CCDC68: variants seen among roughly 807,000 people sequenced by gnomAD.
CCDC68 encodes the protein coiled-coil domain-containing protein 68.
CCDC68 carries 45 observed loss-of-function variants against 47.1 expected under a neutral mutation model. The observed-to-expected ratio is 0.96, with a 90% CI of 0.75 to 1.23. The LOEUF (loss-of-function observed/expected upper bound fraction) is 1.23. CCDC68 is among the 50% of genes most tolerant of loss of function. CCDC68 has a pLI of 0.00. For missense variants in CCDC68, 353 were observed against 373.6 expected, an observed-to-expected ratio of 0.94 and a Z score of 0.45; for synonymous variants, 131 against 129.5, an observed-to-expected ratio of 1.01 and a Z score of -0.08.
At position 54,946,107 on chromosome 18, in the gene CCDC68, T is replaced by C. The variant is rs541247787; in HGVS notation, c.-102-630A>G. Among the ~76,000 whole-genome samples, 4 of 152,306 alleles carry C rather than the reference T, an allele frequency of 2.6e-5. No homozygotes were observed. In the East Asian group the frequency reaches 7.7e-4, roughly 29 times the overall value. On this transcript the variant is annotated intron_variant, in intron 1 of 11. Transcript: ENST00000591504. Reference sequence around the variant, plus strand: ...ATTTCAAATTTAGTATTCATAAAAATGGTTGGAAAAAATCAAAGGAGAACA... The same window carrying C: ...ATTTCAAATTTAGTATTCATAAAAACGGTTGGAAAAAATCAAAGGAGAACA...
intron 7 of CCDC68, among the ~76,000 whole-genome samples, chr18:54,933,827 G>A (rs1414600641): frequency 1.3e-5 from 2 of 152,132 alleles, no homozygotes; most frequent in Non-Finnish European, 2.9e-5. Flanking sequence ...TTTCCTCATA[G>A]GAGCTTCACC....
At chr18:54,935,792 G>A (rs1317292178) in intron 6 of CCDC68, among the ~76,000 whole-genome samples, 1 of 152,182 alleles carries the variant, frequency 6.6e-6, no homozygotes, top group Non-Finnish European at 1.5e-5. Flanking sequence ...CCTTCTTAGA[G>A]CCTGAGCTGA....
intron 9 of CCDC68, among the ~76,000 whole-genome samples, chr18:54,918,420 C>T (rs555321797): frequency 6.6e-6 from 1 of 152,322 alleles, no homozygotes; most frequent in East Asian, 1.9e-4. Context: ...GGTGAGCCTG[C>T]TTTGCCAAGA....
intron 10 of CCDC68, 46 bp downstream of exon 10, chr18:54,917,867 A>T: frequency 2.0e-6 from 2 of 1,001,526 alleles, no homozygotes; most frequent in Non-Finnish European, 3.1e-6. Flanking sequence ...ACACACACAC[A>T]CACTCACACC....
chr18:54,919,299 T>G lies in CCDC68; in HGVS notation c.761A>C (p.His254Pro). Residue 254 changes from histidine to proline, a missense_variant, in exon 9 of 12, where the codon CAT (histidine) becomes CCT (proline). Transcript: ENST00000591504. Reference protein sequence around the residue: ...SHLQFVIHSQHQNLRSVIQEM... With the variant: ...SHLQFVIHSQPQNLRSVIQEM... ...CTGGATGACACTGCGCAGGTTCTGA[T>G]GTTGGGAGTGAATCACAAACTGCAG... 1 of 1,614,010 alleles carries G rather than the reference T, an allele frequency of 6.2e-7. No homozygotes were observed. The highest frequency in any genetic ancestry group is 8.5e-7 in the Non-Finnish European group (1 of 1,179,886).
At chr18:54,951,790 G>T (rs1245530469) in intron 1 of CCDC68, among the ~76,000 whole-genome samples, 2 of 152,210 alleles carry the variant, frequency 1.3e-5, no homozygotes, top group Non-Finnish European at 2.9e-5. Context: ...AACAAAGGCA[G>T]TTTGGCTGCA....
chr18:54,945,546 A>C (rs1008634176), intron 1 of CCDC68, 69 bp from the exon 2 acceptor site: 2 of 152,174 alleles, frequency 1.3e-5, no homozygotes, highest in Admixed American at 1.3e-4. Flanking sequence ...TGCAAAAAAA[A>C]ACACAAAGAA....
In CCDC68 at chr18:54,941,009, T is replaced by C. The variant is rs1193143709; in HGVS notation, c.192A>G (p.Lys64=). 6 of 1,607,432 alleles carry C rather than the reference T, an allele frequency of 3.7e-6. No homozygotes were observed. The highest frequency in any genetic ancestry group is 5.1e-6 in the Non-Finnish European group (6 of 1,174,388). Residue 64 remains lysine, a synonymous_variant, in exon 4 of 12, where the codon AAA becomes AAG. Transcript: ENST00000591504. ...DEIRHDSTNH[K]LDAKHCGNLQ... is the part of the protein sequence containing the mutation. Reference sequence around the variant, plus strand: ...AGGAAATTATTACCTTTGCATCTAGTTTGTGATTTGTACTGTCATGTCTTA... The same window carrying C: ...AGGAAATTATTACCTTTGCATCTAGCTTGTGATTTGTACTGTCATGTCTTA...
chr18:54,949,436 T>A (rs962829965), intron 1 of CCDC68, among the ~76,000 whole-genome samples: 1 of 152,216 alleles, frequency 6.6e-6, no homozygotes, highest in African/African-American at 2.4e-5. Context: ...CTTGGCCACA[T>A]TAAAACAGGT....
At chr18:54,932,887 A>G (rs970155919) in intron 7 of CCDC68, among the ~76,000 whole-genome samples, 150 of 152,220 alleles carry the variant, frequency 9.9e-4, no homozygotes, top group African/African-American at 3.5e-3. Context: ...CAGATATACT[A>G]CATTGTCATC....
At chr18:54,952,079 T>C (rs2044628465) in intron 1 of CCDC68, among the ~76,000 whole-genome samples, 1 of 152,244 alleles carries the variant, frequency 6.6e-6, no homozygotes, top group East Asian at 1.9e-4. Flanking sequence ...CATTTGCTTG[T>C]AGGACATGAT....
chr18:54,915,800 G>A (rs2043938182), intron 10 of CCDC68, among the ~76,000 whole-genome samples: 1 of 151,998 alleles, frequency 6.6e-6, no homozygotes, highest in Non-Finnish European at 1.5e-5. Flanking sequence ...GACATGGTGT[G>A]CGCCTGTAAT....
intron 1 of CCDC68, among the ~76,000 whole-genome samples, chr18:54,947,601 A>G (rs4801116): frequency 0.38 from 58,042 of 152,066 alleles, 11,306 homozygotes; most frequent in East Asian, 0.59. Flanking sequence ...ACAATAATCA[A>G]TGTGGGGTTG....
intron 1 of CCDC68, among the ~76,000 whole-genome samples, chr18:54,953,142 G>A (rs893064696): frequency 6.6e-6 from 1 of 152,162 alleles, no homozygotes; most frequent in Non-Finnish European, 1.5e-5. Context: ...TTCTAGAAAA[G>A]TAAAAACTGT....
Position 54,935,597 on chromosome 18 carries a change from A to G in CCDC68, c.472-649T>C, listed in dbSNP as rs574045070. On this transcript the variant is annotated intron_variant, in intron 6 of 11. Transcript: ENST00000591504. The stretch of plus-strand genomic sequence containing the variant: ...CACTCCAGGCTGGTGCCGAGCCCAC[A>G]TTACAGGGATGCACACTTCCCGTCC... Among the ~76,000 whole-genome samples, 13 of 152,312 alleles carry G rather than the reference A, an allele frequency of 8.5e-5. No individual in the cohort carries two copies. The East Asian group carries it at 2.5e-3, about 29-fold the overall frequency.
chr18:54,935,563 C>A (rs576706114), intron 6 of CCDC68, among the ~76,000 whole-genome samples: 2 of 152,284 alleles, frequency 1.3e-5, no homozygotes, highest in African/African-American at 4.8e-5. Flanking sequence ...GTGGGCCTTC[C>A]AGTCAGGTCA....
intron 8 of CCDC68, among the ~76,000 whole-genome samples, chr18:54,922,065 A>G (rs2044070250): frequency 6.6e-6 from 1 of 152,170 alleles, no homozygotes; most frequent in Admixed American, 6.5e-5. Context: ...CTTTGTGCCC[A>G]TGTAGTTTGA....
intron 8 of CCDC68, among the ~76,000 whole-genome samples, chr18:54,922,672 G>T (rs879679229): frequency 3.9e-5 from 6 of 152,004 alleles, no homozygotes; most frequent in Admixed American, 2.0e-4. Flanking sequence ...GGCCAACATG[G>T]CAAAATCCAT....
intron 10 of CCDC68, among the ~76,000 whole-genome samples, chr18:54,909,780 C>G (rs551856376): frequency 6.6e-6 from 1 of 152,210 alleles, no homozygotes; most frequent in Non-Finnish European, 1.5e-5. Flanking sequence ...CAGCTGGCAC[C>G]GGGGAACACG....
Sources: gnomAD v4.1 joint callset for allele counts (sites outside exome capture counted in the v4.1 genomes callset) on GRCh38, gnomAD v4.1.1 for gene constraint, MANE v1.5 for transcripts, NCBI Gene and HGNC (gene_info 2026-07-23, HGNC 2026-07-21) for gene names.